Variants in BAHD1 observed in about 807,000 individuals in gnomAD.
BAHD1 encodes bromo adjacent homology domain containing 1.
A neutral mutation model predicts 63.1 loss-of-function variants in BAHD1; 20 were observed. That is an observed-to-expected ratio of 0.32 (90% CI 0.22 to 0.46). The LOEUF is 0.46. Ranked by LOEUF, BAHD1 falls within the 20% of genes least tolerant of loss-of-function variation. The probability of loss-of-function intolerance (pLI) is 1.00; values close to 1 mark genes in which losing one functional copy is unlikely to be tolerated. For missense variants in BAHD1, 939 were observed against 1,071.8 expected (o/e 0.88, Z 1.73); for synonymous variants, 408 against 426.8 (o/e 0.96, Z 0.54).
At chr15:40,445,270 A>AAC (rs1163304865) in intron 1 of BAHD1, among the ~76,000 whole-genome samples, 3 of 151,368 alleles carry the variant, frequency 2.0e-5, no homozygotes, top group Non-Finnish European at 2.9e-5. Flanking sequence ...AAAAAAAAAA[A>AAC]AAAAAACAAC....
At chr15:40,453,118 C>T (rs1176723372) in intron 1 of BAHD1, among the ~76,000 whole-genome samples, 1 of 152,160 alleles carries the variant, frequency 6.6e-6, no homozygotes, top group East Asian at 1.9e-4. Flanking sequence ...GGCCTGCCTG[C>T]CTCTGCTTAC....
intron 6 of BAHD1, 97 bp downstream of exon 6, chr15:40,465,532 CTCTCTACCTGA>C (rs1894175010): frequency 2.2e-6 from 2 of 926,572 alleles, no homozygotes; most frequent in African/African-American, 3.2e-5. Flanking sequence ...TCTCATTCTG[CTCTCTACCTGA>C]TCTTACTCAC....
In BAHD1 at chr15:40,447,608, AAAT is replaced by A. The variant is rs1302392912; in HGVS notation, c.-15+6343_-15+6345del. 1.4e-3 allele frequency among the ~76,000 whole-genome samples: 169 copies of A among 117,548 alleles called. 1 individual carries two copies. Among genetic ancestry groups the A allele is most frequent in the East Asian group, 7.3e-3 (25 of 3,434 alleles). The allele number at this position is 117,548 out of a possible 152,430, so 77.1% of individuals were successfully genotyped here. The stretch of plus-strand genomic sequence containing the variant: ...TAAATAAATAAATAAATAAATAAAT[AAAT>A]AAAAATAAAAATGATTGAATAACTG... On this transcript the variant is annotated intron_variant, in intron 1 of 6. Coordinates refer to ENST00000416165, the MANE Select transcript of BAHD1 (RefSeq NM_014952.5).
rs202103992 is a variant in BAHD1, at chr15:40,459,690, C to T, written c.1226C>T (p.Ala409Val). The change falls in exon 2 of 7, where the codon GCA (alanine) becomes GTA (valine). Residue 409 changes from alanine to valine, a missense_variant. This residue lies in a region of BAHD1 where 797 missense variants were observed against 813.3 expected (regional missense o/e 0.98). Transcript: ENST00000416165. ...GAGGGCAAGCTGTCCCCAGTGGCTG[C>T]ACCTCACGAGGAGGGGCTCCTCTTA... ...LPEGKLSPVA[A>V]PHEEGLLLAP... The T allele has an allele frequency of 2.5e-5, 40 of 1,613,972 alleles. No individual in the cohort carries two copies. The African/African-American group carries it at 4.5e-4, about 18-fold the overall frequency.
chr15:40,460,034 A>G, intron 2 of BAHD1, 138 bp downstream of exon 2: 1 of 1,126,790 alleles, frequency 8.9e-7, no homozygotes, highest in Non-Finnish European at 1.2e-6. Context: ...CAGAAGTGAG[A>G]ACTCCCGTAG....
chr15:40,444,823 A>G (rs1490843380), intron 1 of BAHD1, among the ~76,000 whole-genome samples: 5 of 152,136 alleles, frequency 3.3e-5, no homozygotes, highest in Admixed American at 1.3e-4. Context: ...GTGAAAAAAT[A>G]TATTCTGCAT....
Position 40,459,915 on chromosome 15 carries a change from A to G in BAHD1, c.1432+19A>G. 2 of 1,559,664 alleles carry G rather than the reference A, an allele frequency of 1.3e-6. No homozygotes were observed. Among genetic ancestry groups the G allele is most frequent in the Admixed American group, 1.8e-5 (1 of 56,474 alleles). ...GCAGCAGGTGAGGCTTCCTGGGCCCAAGATGTACTGGGGAGTCTCGGAGAC... is the reference window on the plus strand; with the variant it reads ...GCAGCAGGTGAGGCTTCCTGGGCCCGAGATGTACTGGGGAGTCTCGGAGAC... On this transcript the variant is annotated intron_variant, in intron 2 of 6. Coordinates refer to ENST00000416165, the MANE Select transcript of BAHD1 (RefSeq NM_014952.5).
rs779421412 is a variant in BAHD1 at position 40,458,425 on chromosome 15, C to T, written c.-14-26C>T. The T allele has an allele frequency of 5.9e-6, 9 of 1,529,528 alleles. No homozygotes were observed. The highest frequency in any genetic ancestry group is 7.9e-6 in the Non-Finnish European group (9 of 1,136,876). 94.7% of individuals were successfully genotyped at this position (1,529,528 alleles called of 1,614,324 possible). A position where few individuals can be genotyped will look rare whatever the true frequency, so the allele number is the denominator to read the frequency against. Reference sequence around the variant, plus strand: ...CAGGAGCAGGCCAGAGAGGGCTTCTCTCATTGCCCACCTTCTGTCCTGCAG... The same window carrying T: ...CAGGAGCAGGCCAGAGAGGGCTTCTTTCATTGCCCACCTTCTGTCCTGCAG... On this transcript the variant is annotated intron_variant, in intron 1 of 6. Transcript: ENST00000416165. This position sits in a 1 kb window ranked among gnomAD's most constrained non-coding sequence, Gnocchi z 4.7.
intron 1 of BAHD1, among the ~76,000 whole-genome samples, chr15:40,442,449 C>T (rs568532088): frequency 1.1e-3 from 162 of 152,244 alleles, no homozygotes; most frequent in African/African-American, 3.8e-3. Context: ...TGTGCCTTGG[C>T]TGGTGGCGAC....
chr15:40,458,558 C>A lies in BAHD1; in HGVS notation c.94C>A (p.Gln32Lys), dbSNP rs1332476202. 6.2e-7 allele frequency: 1 copy of A among 1,613,954 alleles called. No homozygotes were observed. The highest frequency in any genetic ancestry group is 8.5e-7 in the Non-Finnish European group (1 of 1,179,966). The stretch of plus-strand genomic sequence containing the variant: ...GCAGATGGAAGACAGCAACATGGAG[C>A]AGGGGGTTGAGGGTGTGGAGCCAGG... ...PLQMEDSNME[Q>K]GVEGVEPGMP... The change falls in exon 2 of 7, where the codon CAG (glutamine) becomes AAG (lysine). Residue 32 changes from glutamine to lysine, a missense_variant. Gln to Lys is a moderately conservative substitution (Grantham distance 53, BLOSUM62 1). Transcript: ENST00000416165. This position sits in a 1 kb window ranked among gnomAD's most constrained non-coding sequence, Gnocchi z 4.7.
intron 2 of BAHD1, among the ~76,000 whole-genome samples, chr15:40,461,002 T>G (rs113620051): frequency 3.8e-3 from 583 of 152,282 alleles, no homozygotes; most frequent in Non-Finnish European, 6.4e-3. Context: ...CAGGCACTGT[T>G]CTGAGTGCTT....
intron 2 of BAHD1, among the ~76,000 whole-genome samples, chr15:40,460,429 A>G (rs1894004879): frequency 6.6e-6 from 1 of 152,124 alleles, no homozygotes; most frequent in African/African-American, 2.4e-5. Flanking sequence ...CCCTGGCTAT[A>G]GAGGCATTGA....
At chr15:40,454,014 C>A (rs1274504317) in intron 1 of BAHD1, 2 of 152,458 alleles carry the variant, frequency 1.3e-5, no homozygotes, top group Admixed American at 6.5e-5. Flanking sequence ...ACCAAAGAAG[C>A]CTGAAAAGCA....
intron 1 of BAHD1, chr15:40,453,573 A>G (rs950365018): frequency 9.9e-5 from 15 of 152,200 alleles, no homozygotes; most frequent in African/African-American, 2.7e-4. Flanking sequence ...GTGGCTTCTA[A>G]TGGGGCAGGG....
chr15:40,438,664 T>G (rs114251412), upstream of BAHD1, among the ~76,000 whole-genome samples: 286 of 152,014 alleles, frequency 1.9e-3, 1 homozygote, highest in African/African-American at 6.7e-3. Flanking sequence ...AACACTCCCC[T>G]GCTCACCCCA....
chr15:40,445,251 T>C (rs1200458557), intron 1 of BAHD1, among the ~76,000 whole-genome samples: 1 of 125,038 alleles, frequency 8.0e-6, no homozygotes, highest in Admixed American at 8.5e-5. Flanking sequence ...AGAGCTCCTT[T>C]TGGGTAAAAA....
chr15:40,456,914 C>T (rs1893865998), intron 1 of BAHD1, among the ~76,000 whole-genome samples: 1 of 152,160 alleles, frequency 6.6e-6, no homozygotes, highest in Non-Finnish European at 1.5e-5. Flanking sequence ...AAGTGAACAG[C>T]TCCGTAGTCT....
At chr15:40,465,483 C>T in intron 6 of BAHD1, 48 bp downstream of exon 6, 1 of 1,460,882 alleles carries the variant, frequency 6.8e-7, no homozygotes, top group Non-Finnish European at 9.6e-7. Context: ...CTCAGGCTCC[C>T]CAGGCATATT....
chr15:40,456,331 C>T (rs1893849179), intron 1 of BAHD1, among the ~76,000 whole-genome samples: 1 of 152,174 alleles, frequency 6.6e-6, no homozygotes, highest in Non-Finnish European at 1.5e-5. Context: ...TGATTAGAAG[C>T]AGGAAAGAGA....
Sources: gnomAD v4.1 joint callset for allele counts (sites outside exome capture counted in the v4.1 genomes callset) on GRCh38, gnomAD v4.1.1 for gene constraint, gnomAD v4.1.1 regional missense constraint, Gnocchi (gnomAD v3.1) non-coding constraint, MANE v1.5 for transcripts, NCBI Gene and HGNC (gene_info 2026-07-23, HGNC 2026-07-21) for gene names.